The following PDE4D variants were observed in gnomAD, a reference collection of about 807,000 sequenced individuals.
PDE4D encodes 3',5'-cyclic-AMP phosphodiesterase 4D.
In PDE4D, 24 loss-of-function variants were observed where a neutral mutation model predicts 87.4. The ratio of observed to expected loss-of-function variants is 0.27; its 90% confidence interval spans 0.20 to 0.39. The LOEUF is 0.39. Among genes scored for constraint, PDE4D ranks in the 10% least tolerant of loss-of-function variants. The pLI is 1.00. For synonymous variants in PDE4D, 384 were observed against 383.2 expected (o/e 1.00, Z -0.02); for missense variants, 714 against 1,041.0 (o/e 0.69, Z 4.32).
intron 1 of PDE4D, among the ~76,000 whole-genome samples, chr5:59,269,002 T>C (rs1252249712): frequency 1.3e-5 from 2 of 152,078 alleles, no homozygotes. Flanking sequence ...ATTGGAATGA[T>C]TGACAGAGGA....
intron 1 of PDE4D, among the ~76,000 whole-genome samples, chr5:59,397,290 C>A (rs1253376084): frequency 8.1e-5 from 10 of 124,188 alleles, no homozygotes; most frequent in African/African-American, 2.6e-4. Context: ...TTTTTCAGCA[C>A]CACACCACAC....
intron 1 of PDE4D, among the ~76,000 whole-genome samples, chr5:59,773,300 GT>G (rs1385908144): frequency 6.6e-6 from 1 of 152,160 alleles, no homozygotes; most frequent in Admixed American, 6.6e-5. Context: ...ATTTAAATCT[GT>G]GTCTATGAGG....
At chr5:60,136,128 C>T (rs936195010) in intron 2 of PDE4D, among the ~76,000 whole-genome samples, 6 of 152,050 alleles carry the variant, frequency 3.9e-5, no homozygotes, top group Non-Finnish European at 8.8e-5. Context: ...AAGAAAGATT[C>T]AATTTAGAAG....
intron 1 of PDE4D, among the ~76,000 whole-genome samples, chr5:59,431,307 T>C (rs1796079198): frequency 6.6e-6 from 1 of 152,174 alleles, no homozygotes; most frequent in South Asian, 2.1e-4. Flanking sequence ...GCTGTATCTT[T>C]ATCCCACAGT....
intron 6 of PDE4D, among the ~76,000 whole-genome samples, chr5:59,037,147 A>G (rs1758666667): frequency 6.6e-6 from 1 of 152,226 alleles, no homozygotes; most frequent in Admixed American, 6.5e-5. Context: ...ATACATTATT[A>G]AATTTCACAT....
chr5:59,830,844 A>G (rs916942878), intron 1 of PDE4D, among the ~76,000 whole-genome samples: 2 of 152,118 alleles, frequency 1.3e-5, no homozygotes, highest in African/African-American at 4.8e-5. Flanking sequence ...TTTCTTTTCT[A>G]ACTATAGAAA....
chr5:59,111,626 T>C, intron 5 of PDE4D, among the ~76,000 whole-genome samples: 1 of 152,240 alleles, frequency 6.6e-6, no homozygotes, highest in East Asian at 1.9e-4. Context: ...TTTGAATGTG[T>C]TCTCCACCTG....
chr5:59,983,562 A>T (rs1033819069), intron 3 of PDE4D, among the ~76,000 whole-genome samples: 2 of 152,204 alleles, frequency 1.3e-5, no homozygotes, highest in Non-Finnish European at 2.9e-5. Flanking sequence ...AATGGTCATA[A>T]CACAAAGAAG....
intron 1 of PDE4D, among the ~76,000 whole-genome samples, chr5:59,671,049 T>C (rs1396225026): frequency 6.6e-6 from 1 of 152,220 alleles, no homozygotes; most frequent in Non-Finnish European, 1.5e-5. Context: ...ATACAGAGTG[T>C]TTCCATAGGT....
intron 1 of PDE4D, among the ~76,000 whole-genome samples, chr5:59,351,998 A>T (rs1391134052): frequency 2.0e-5 from 3 of 152,148 alleles, no homozygotes; most frequent in Non-Finnish European, 4.4e-5. Context: ...GTTCTAACAC[A>T]GACTTCCAGA....
chr5:60,180,355 C>A (rs1784279624), intron 2 of PDE4D, among the ~76,000 whole-genome samples: 1 of 152,086 alleles, frequency 6.6e-6, no homozygotes, highest in African/African-American at 2.4e-5. Flanking sequence ...CAACAATGAG[C>A]ATAATTGTCA....
chr5:60,514,241 G>A (rs573942518), intron 1 of PDE4D, among the ~76,000 whole-genome samples: 31 of 152,058 alleles, frequency 2.0e-4, no homozygotes, highest in Admixed American at 5.2e-4. Context: ...TGAAATGGAC[G>A]ATTCACTGTT....
chr5:59,020,346 AC>A (rs1177076226), intron 6 of PDE4D, among the ~76,000 whole-genome samples: 1 of 151,984 alleles, frequency 6.6e-6, no homozygotes, highest in African/African-American at 2.4e-5. Flanking sequence ...GTGGTCATGC[AC>A]CTGTTATACC....
intron 1 of PDE4D, among the ~76,000 whole-genome samples, chr5:59,747,843 C>T (rs908737741): frequency 6.6e-6 from 1 of 152,148 alleles, no homozygotes; most frequent in African/African-American, 2.4e-5. Flanking sequence ...CCTATTCCCC[C>T]AAAGCCTCCT....
chr5:60,075,342 ATC>A (rs1347525087), intron 2 of PDE4D, among the ~76,000 whole-genome samples: 1 of 152,138 alleles, frequency 6.6e-6, no homozygotes, highest in Non-Finnish European at 1.5e-5. Flanking sequence ...TAGTCCCCCA[ATC>A]TCTCTGGCTG....
At chr5:59,603,996 T>C (rs1016030421) in intron 1 of PDE4D, among the ~76,000 whole-genome samples, 5 of 151,972 alleles carry the variant, frequency 3.3e-5, no homozygotes, top group African/African-American at 1.2e-4. Flanking sequence ...CTTCAAAACA[T>C]CATGTTGTAA....
intron 6 of PDE4D, among the ~76,000 whole-genome samples, chr5:59,036,515 A>G (rs1452839929): frequency 6.6e-6 from 1 of 152,230 alleles, no homozygotes; most frequent in Non-Finnish European, 1.5e-5. Flanking sequence ...AGGTGTGGCA[A>G]CACTCACAGG....
intron 1 of PDE4D, among the ~76,000 whole-genome samples, chr5:60,287,313 C>T (rs1752507271): frequency 6.6e-6 from 1 of 152,142 alleles, no homozygotes; most frequent in Admixed American, 6.5e-5. Flanking sequence ...TGCAGCTCCC[C>T]TAGCTGTCAG....
chr5:59,386,561 T>A (rs1787053512), intron 1 of PDE4D, among the ~76,000 whole-genome samples: 1 of 151,666 alleles, frequency 6.6e-6, no homozygotes, highest in African/African-American at 2.4e-5. Flanking sequence ...ATGTCTGCAA[T>A]CCCAGGATTT....
Sources: gnomAD v4.1 joint callset for allele counts (sites outside exome capture counted in the v4.1 genomes callset) on GRCh38, gnomAD v4.1.1 for gene constraint, MANE v1.5 for transcripts, NCBI Gene and HGNC (gene_info 2026-07-23, HGNC 2026-07-21) for gene names.